GPC5: variants seen among roughly 807,000 people sequenced by gnomAD.
The protein encoded by GPC5 is glypican-5.
GPC5 carries 47 observed loss-of-function variants against 53.9 expected under a neutral mutation model. That is an observed-to-expected ratio of 0.87 (90% confidence interval 0.69 to 1.11). GPC5 has a LOEUF of 1.11. GPC5 is among the 50% of genes most tolerant of loss of function. The pLI is 0.00. For synonymous variants in GPC5, 286 were observed against 263.3 expected (o/e 1.09, Z -0.84); for missense variants, 748 against 713.1 (o/e 1.05, Z -0.56).
At chr13:91,449,884 A>G (rs1401782497) in intron 2 of GPC5, among the ~76,000 whole-genome samples, 1 of 152,138 alleles carries the variant, frequency 6.6e-6, no homozygotes, top group Non-Finnish European at 1.5e-5. Context: ...TATGACTAGA[A>G]TGAAAATATC....
At chr13:91,870,738 T>A (rs1238409228) in intron 5 of GPC5, among the ~76,000 whole-genome samples, 1 of 152,234 alleles carries the variant, frequency 6.6e-6, no homozygotes, top group East Asian at 1.9e-4. Flanking sequence ...CAGAATGAAT[T>A]AATATAGCTC....
chr13:92,577,959 T>C (rs1388453688), intron 7 of GPC5, among the ~76,000 whole-genome samples: 1 of 152,166 alleles, frequency 6.6e-6, no homozygotes, highest in African/African-American at 2.4e-5. Context: ...TTTAAAAAGA[T>C]TTTGCACATA....
At chr13:92,365,968 A>C (rs74342396) in intron 7 of GPC5, among the ~76,000 whole-genome samples, 2,019 of 151,820 alleles carry the variant, frequency 0.013, 35 homozygotes, top group South Asian at 0.023. Context: ...TTAAGCCAGT[A>C]ACATAGTCAC....
chr13:91,932,458 T>G (rs1170252743), intron 6 of GPC5, among the ~76,000 whole-genome samples: 1 of 152,062 alleles, frequency 6.6e-6, no homozygotes. Flanking sequence ...TTCTTTGACA[T>G]GAAATGAAAT....
At chr13:91,620,757 C>A (rs111543484) in intron 2 of GPC5, among the ~76,000 whole-genome samples, 1,947 of 152,190 alleles carry the variant, frequency 0.013, 39 homozygotes, top group African/African-American at 0.044. Context: ...TTATCTGTAG[C>A]TGATGCCGAT....
intron 7 of GPC5, among the ~76,000 whole-genome samples, chr13:92,402,879 CT>C (rs1443532209): frequency 6.6e-6 from 1 of 152,180 alleles, no homozygotes; most frequent in Non-Finnish European, 1.5e-5. Context: ...TCTCTTCATG[CT>C]TTTCCTCCAC....
At chr13:92,769,604 T>G (rs939923573) in intron 7 of GPC5, among the ~76,000 whole-genome samples, 1 of 152,062 alleles carries the variant, frequency 6.6e-6, no homozygotes, top group Non-Finnish European at 1.5e-5. Context: ...GAAAGAAAAT[T>G]AAAGCAGTGT....
chr13:91,944,247 C>T (rs749827217), intron 6 of GPC5, among the ~76,000 whole-genome samples: 23 of 152,176 alleles, frequency 1.5e-4, no homozygotes, highest in Non-Finnish European at 3.2e-4. Context: ...AGGCACCTGC[C>T]ACCACGCCCA....
At chr13:92,857,013 G>A (rs1879022911) in intron 7 of GPC5, among the ~76,000 whole-genome samples, 1 of 151,988 alleles carries the variant, frequency 6.6e-6, no homozygotes, top group African/African-American at 2.4e-5. Flanking sequence ...AGCCTGAATA[G>A]CCAAAGCAAT....
intron 7 of GPC5, among the ~76,000 whole-genome samples, chr13:92,657,343 T>G (rs72641033): frequency 0.011 from 1,689 of 152,312 alleles, 20 homozygotes; most frequent in Non-Finnish European, 0.016. Context: ...AACCCTTTAA[T>G]GATCTGACCA....
chr13:92,570,237 G>A (rs922421825), intron 7 of GPC5, among the ~76,000 whole-genome samples: 10 of 152,068 alleles, frequency 6.6e-5, no homozygotes, highest in African/African-American at 1.7e-4. Context: ...TAATATCGGT[G>A]TATTTTCTAT....
At chr13:92,651,020 T>C (rs1885940878) in intron 7 of GPC5, among the ~76,000 whole-genome samples, 1 of 152,014 alleles carries the variant, frequency 6.6e-6, no homozygotes, top group Non-Finnish European at 1.5e-5. Context: ...TCTGTTCCTG[T>C]GTTACTGTGC....
intron 6 of GPC5, among the ~76,000 whole-genome samples, chr13:91,947,625 T>C (rs914016062): frequency 8.2e-6 from 1 of 121,222 alleles, no homozygotes; most frequent in Admixed American, 8.4e-5. Context: ...CCTAATGTGC[T>C]AGTAGAGCAG....
chr13:92,226,164 T>C (rs963216773), intron 7 of GPC5, among the ~76,000 whole-genome samples: 5 of 152,168 alleles, frequency 3.3e-5, no homozygotes, highest in African/African-American at 1.2e-4. Context: ...CCACCATGAT[T>C]GTAAGTTTCA....
chr13:91,894,972 TAAA>T (rs1297847787), intron 5 of GPC5, among the ~76,000 whole-genome samples: 1 of 150,706 alleles, frequency 6.6e-6, no homozygotes, highest in Non-Finnish European at 1.5e-5. Flanking sequence ...CCAGGAAAGA[TAAA>T]AAGTCTTTTA....
At chr13:91,936,965 G>A (rs747577982) in intron 6 of GPC5, among the ~76,000 whole-genome samples, 13 of 151,898 alleles carry the variant, frequency 8.6e-5, no homozygotes, top group Non-Finnish European at 1.2e-4. Context: ...TACTGCTGAC[G>A]GCTTATCTCA....
intron 7 of GPC5, among the ~76,000 whole-genome samples, chr13:92,674,456 G>A (rs1886861494): frequency 6.6e-6 from 1 of 152,018 alleles, no homozygotes; most frequent in Non-Finnish European, 1.5e-5. Context: ...CATAGGAATA[G>A]CATCGAGATA....
chr13:92,852,309 G>A (rs967328712), intron 7 of GPC5, among the ~76,000 whole-genome samples: 1 of 152,164 alleles, frequency 6.6e-6, no homozygotes, highest in Non-Finnish European at 1.5e-5. Flanking sequence ...GGGGTTTGGG[G>A]TCAGTGAGAT....
intron 6 of GPC5, among the ~76,000 whole-genome samples, chr13:91,992,225 A>C (rs773228225): frequency 6.6e-6 from 1 of 151,726 alleles, no homozygotes; most frequent in Non-Finnish European, 1.5e-5. Flanking sequence ...CAGAGAGAGG[A>C]TCTCGCTCTA....
Sources: gnomAD v4.1 joint callset for allele counts (sites outside exome capture counted in the v4.1 genomes callset) on GRCh38, gnomAD v4.1.1 for gene constraint, MANE v1.5 for transcripts, NCBI Gene and HGNC (gene_info 2026-07-23, HGNC 2026-07-21) for gene names.